RNF180: variants seen among roughly 807,000 people sequenced by gnomAD.
RNF180 encodes the protein E3 ubiquitin-protein ligase RNF180.
A neutral mutation model predicts 59.2 loss-of-function variants in RNF180; 38 were observed. The ratio of observed to expected loss-of-function variants is 0.64; its 90% confidence interval spans 0.50 to 0.84. The LOEUF (loss-of-function observed/expected upper bound fraction) is 0.84. RNF180 is among the 40% of genes least tolerant of loss of function. The pLI is 0.00. For synonymous variants in RNF180, 262 were observed against 240.3 expected (o/e 1.09, Z -0.84); for missense variants, 705 against 700.9 (o/e 1.01, Z -0.07).
intron 5 of RNF180, among the ~76,000 whole-genome samples, chr5:64,246,407 T>A (rs1219574904): frequency 4.0e-5 from 6 of 151,822 alleles, no homozygotes; most frequent in African/African-American, 1.5e-4. Flanking sequence ...AAATAGACAC[T>A]ATAAAAAATG....
Position 64,213,679 on chromosome 5 carries a change from G to A in RNF180, c.353G>A (p.Ser118Asn). The change falls in exon 4 of 8, where the codon AGC becomes AAC. Residue 118 changes from serine to asparagine, a missense_variant. Transcript: ENST00000389100. ...GQLAAVHLSK[S>N]RTDYQPTQAG... ...CTTGCAGCTGTACATCTCTCCAAGA[G>A]CCGGACTGATTATCAGCCAACACAG... 6.2e-7 allele frequency: 1 copy of A among 1,614,158 alleles called. No individual in the cohort carries two copies. Among genetic ancestry groups the A allele is most frequent in the Non-Finnish European group, 8.5e-7 (1 of 1,180,014 alleles).
At chr5:64,308,431 G>A (rs62369367) in intron 5 of RNF180, among the ~76,000 whole-genome samples, 43,267 of 151,536 alleles carry the variant, frequency 0.29, 6,394 homozygotes, top group African/African-American at 0.35. Context: ...TTAGTGTCAG[G>A]TCACAGTTTT....
chr5:64,204,702 T>C (rs1199837973), intron 2 of RNF180, among the ~76,000 whole-genome samples: 1 of 152,206 alleles, frequency 6.6e-6, no homozygotes, highest in Non-Finnish European at 1.5e-5. Flanking sequence ...CTGTCCTTTA[T>C]GTGTTGTACT....
chr5:64,305,318 G>GA (rs1251804624), intron 5 of RNF180, among the ~76,000 whole-genome samples: 5 of 151,292 alleles, frequency 3.3e-5, no homozygotes, highest in Admixed American at 2.7e-4. Context: ...TTGAGCATGA[G>GA]AAAAAACTGT....
At chr5:64,211,446 A>C (rs1257046228) in intron 2 of RNF180, among the ~76,000 whole-genome samples, 1 of 152,112 alleles carries the variant, frequency 6.6e-6, no homozygotes, top group Non-Finnish European at 1.5e-5. Flanking sequence ...AGCATCTCTC[A>C]TGTAAGAGTC....
At chr5:64,222,055 G>T (rs1165702127) in intron 5 of RNF180, among the ~76,000 whole-genome samples, 3 of 151,938 alleles carry the variant, frequency 2.0e-5, no homozygotes, top group Non-Finnish European at 4.4e-5. Flanking sequence ...GTCTCATTAG[G>T]TTCCTCTTGG....
intron 5 of RNF180, among the ~76,000 whole-genome samples, chr5:64,266,896 C>T (rs1455693801): frequency 6.6e-6 from 1 of 152,094 alleles, no homozygotes; most frequent in East Asian, 1.9e-4. Context: ...TCATAATTCA[C>T]TTATTTGCAA....
rs374508565 is a variant in RNF180 at position 64,268,090 on chromosome 5, T to G, written c.1227+50694T>G. ...TTCTTGAAACATGATTACAAATCTATTGACCATAAATATATCTGTCTTCTT... is the reference window on the plus strand; with the variant it reads ...TTCTTGAAACATGATTACAAATCTAGTGACCATAAATATATCTGTCTTCTT... On this transcript the variant is annotated intron_variant, in intron 5 of 7. Transcript: ENST00000389100. Among the ~76,000 whole-genome samples the G allele has an allele frequency of 7.2e-5, 11 of 152,330 alleles. No homozygotes were observed. In the South Asian group the frequency reaches 1.0e-3, roughly 14 times the overall value.
At chr5:64,175,221 A>G (rs1377180835) in intron 1 of RNF180, among the ~76,000 whole-genome samples, 4 of 151,116 alleles carry the variant, frequency 2.6e-5, no homozygotes, top group African/African-American at 4.9e-5. Flanking sequence ...CCCGCCTCGG[A>G]CTCCCAAAGA....
intron 5 of RNF180, among the ~76,000 whole-genome samples, chr5:64,312,286 C>CA (rs1743805894): frequency 6.6e-6 from 1 of 152,074 alleles, no homozygotes; most frequent in African/African-American, 2.4e-5. Flanking sequence ...CACATCCTCA[C>CA]AGATGCCTTT....
At chr5:64,181,280 A>G (rs1750567790) in intron 1 of RNF180, among the ~76,000 whole-genome samples, 1 of 152,198 alleles carries the variant, frequency 6.6e-6, no homozygotes, top group South Asian at 2.1e-4. Context: ...ACCCAGGAAC[A>G]ATACTTTGCA....
At chr5:64,297,435 T>G (rs1030159589) in intron 5 of RNF180, among the ~76,000 whole-genome samples, 3 of 151,986 alleles carry the variant, frequency 2.0e-5, no homozygotes, top group African/African-American at 4.8e-5. Context: ...TGGCTCGAGT[T>G]TCAATTTATT....
At chr5:64,185,452 T>C (rs1035890315) in intron 1 of RNF180, among the ~76,000 whole-genome samples, 8 of 152,168 alleles carry the variant, frequency 5.3e-5, no homozygotes, top group African/African-American at 1.7e-4. Flanking sequence ...TAGAAGCGTA[T>C]TGTATACTAG....
chr5:64,369,868 GC>G lies in RNF180; in HGVS notation c.*55del. 1.0e-6 allele frequency: 1 copy of G among 993,266 alleles called. No individual in the cohort carries two copies. Among genetic ancestry groups the G allele is most frequent in the Non-Finnish European group, 1.4e-6 (1 of 729,942 alleles). The allele number at this position is 993,266 out of a possible 1,614,324, so 61.5% of individuals were successfully genotyped here. Reference sequence around the variant, plus strand: ...ATCATAAATGATGTAAATAACAATTGCTTAAACATTTTTAAATGTGCTTTGA... The same window carrying G: ...ATCATAAATGATGTAAATAACAATTGTTAAACATTTTTAAATGTGCTTTGA... On this transcript the variant is annotated 3_prime_UTR_variant, in exon 8 of 8. Transcript: ENST00000389100.
rs146938584 is a variant in RNF180 at position 64,214,012 on chromosome 5, A to G, written c.686A>G (p.His229Arg). 1,539 of 1,614,164 alleles carry G rather than the reference A, an allele frequency of 9.5e-4. 1 individual carries two copies. Among genetic ancestry groups the G allele is most frequent in the Non-Finnish European group, 1.2e-3 (1,366 of 1,180,012 alleles). ...CATRAFHRKSHSLDLNISEKL... is the reference protein window; with the variant it reads ...CATRAFHRKSRSLDLNISEKL... ...ACAAGAGCTTTTCATAGAAAATCAC[A>G]TAGTTTGGATCTGAACATCAGTGAG... The change falls in exon 4 of 8, where the codon CAT becomes CGT. Residue 229 changes from histidine to arginine, a missense_variant. Transcript: ENST00000389100.
At chr5:64,233,157 T>C (rs1403007676) in intron 5 of RNF180, among the ~76,000 whole-genome samples, 1 of 152,230 alleles carries the variant, frequency 6.6e-6, no homozygotes, top group African/African-American at 2.4e-5. Flanking sequence ...AAAAATGGAA[T>C]GTAAAATATA....
intron 7 of RNF180, among the ~76,000 whole-genome samples, chr5:64,338,558 C>T (rs1320356004): frequency 6.6e-6 from 1 of 151,678 alleles, no homozygotes; most frequent in Non-Finnish European, 1.5e-5. Flanking sequence ...TGGCGTGAAT[C>T]CGGGAGGCAG....
intron 5 of RNF180, among the ~76,000 whole-genome samples, chr5:64,289,941 G>A (rs540465607): frequency 6.6e-6 from 1 of 151,926 alleles, no homozygotes; most frequent in Non-Finnish European, 1.5e-5. Flanking sequence ...GGGTTTGTTT[G>A]CTCTTGGTTC....
chr5:64,196,540 T>C (rs1253268232), intron 1 of RNF180, among the ~76,000 whole-genome samples: 2 of 152,124 alleles, frequency 1.3e-5, no homozygotes, highest in African/African-American at 4.8e-5. Flanking sequence ...TTTCGGTATA[T>C]TGAATAGTTT....
Sources: allele counts gnomAD v4.1 joint callset (sites outside exome capture counted in the v4.1 genomes callset), GRCh38; gene constraint gnomAD v4.1.1; transcripts MANE v1.5; gene names NCBI Gene and HGNC (gene_info 2026-07-23, HGNC 2026-07-21).